NIBAN2: variants seen among roughly 807,000 people sequenced by gnomAD.
NIBAN2 encodes niban apoptosis regulator 2.
In NIBAN2, 36 loss-of-function variants were observed where a neutral mutation model predicts 81.8. The observed-to-expected ratio is 0.44, with a 90% confidence interval of 0.34 to 0.58. The LOEUF is 0.58. Ranked by LOEUF, NIBAN2 falls within the 20% of genes least tolerant of loss-of-function variation. The probability of loss-of-function intolerance (pLI) is 0.02; values close to 1 mark genes in which losing one functional copy is unlikely to be tolerated. For missense variants in NIBAN2, 897 were observed against 1,014.1 expected, an observed-to-expected ratio of 0.88 and a Z score of 1.57; for synonymous variants, 445 against 441.6, an observed-to-expected ratio of 1.01 and a Z score of -0.10.
intron 3 of NIBAN2, 147 bp downstream of exon 3, chr9:127,527,047 G>A (rs1837080490): frequency 4.4e-6 from 4 of 907,214 alleles, no homozygotes; most frequent in South Asian, 1.5e-5. Context: ...GTTTGGGGGA[G>A]GGGAGGGGCT....
Position 127,563,239 on chromosome 9 carries a change from G to T in NIBAN2, c.55+5581C>A, listed in dbSNP as rs1837803587. 6.6e-6 allele frequency among the ~76,000 whole-genome samples: 1 copy of T among 152,206 alleles called. No individual in the cohort carries two copies. Among genetic ancestry groups the T allele is most frequent in the Non-Finnish European group, 1.5e-5 (1 of 68,040 alleles). The stretch of plus-strand genomic sequence containing the variant: ...AACAGAGTCAGGGGGACTAGAGGAG[G>T]CTGGATGGAGGGGAAGGCAGGGTCA... On this transcript the variant is annotated intron_variant, in intron 1 of 13. Coordinates refer to ENST00000373312, the MANE Select transcript of NIBAN2 (RefSeq NM_022833.4). The surrounding 1 kb of genome is among the most constrained non-coding windows in gnomAD (Gnocchi z 4.1).
intron 2 of NIBAN2, among the ~76,000 whole-genome samples, chr9:127,530,814 G>A (rs1405507726): frequency 2.6e-5 from 4 of 152,114 alleles, no homozygotes; most frequent in Non-Finnish European, 4.4e-5. Flanking sequence ...TGGAGGAGGT[G>A]AGCTAGGAGG....
intron 1 of NIBAN2, among the ~76,000 whole-genome samples, chr9:127,542,552 C>T (rs754489770): frequency 2.2e-4 from 34 of 152,368 alleles, no homozygotes; most frequent in African/African-American, 7.9e-4. Context: ...TTCCTCACCA[C>T]GGAAACGGAG....
upstream of NIBAN2, among the ~76,000 whole-genome samples, chr9:127,573,691 T>C (rs946213803): frequency 2.0e-5 from 3 of 152,224 alleles, no homozygotes; most frequent in African/African-American, 7.2e-5. Context: ...TCTCGTTCTG[T>C]TGCCCAGGCT....
chr9:127,527,117 A>G, intron 3 of NIBAN2, 77 bp downstream of exon 3: 1 of 1,574,080 alleles, frequency 6.4e-7, no homozygotes, highest in Non-Finnish European at 8.6e-7. Context: ...TCTGGGGCCT[A>G]AGTTTCCGAG....
At chr9:127,551,622 G>A (rs184508016) in intron 1 of NIBAN2, among the ~76,000 whole-genome samples, 1 of 151,900 alleles carries the variant, frequency 6.6e-6, no homozygotes, top group Admixed American at 6.5e-5. Context: ...GGCTGAGGCA[G>A]GAGAATTGCT....
intron 1 of NIBAN2, among the ~76,000 whole-genome samples, chr9:127,553,321 G>C (rs1837611273): frequency 6.6e-6 from 1 of 152,320 alleles, no homozygotes; most frequent in Admixed American, 6.5e-5. Context: ...TGGGTCTGAG[G>C]GGGAGGCCAG....
At chr9:127,547,819 A>T (rs1837501157) in intron 1 of NIBAN2, among the ~76,000 whole-genome samples, 3 of 152,026 alleles carry the variant, frequency 2.0e-5, no homozygotes, top group African/African-American at 7.3e-5. Context: ...CCTGGGCAAC[A>T]AGAGCGAAAC....
chr9:127,530,544 C>G (rs1837159295), intron 2 of NIBAN2, among the ~76,000 whole-genome samples: 1 of 152,156 alleles, frequency 6.6e-6, no homozygotes, highest in Non-Finnish European at 1.5e-5. Context: ...CCCCTCTGGC[C>G]CACGCTGACC....
rs780953007 is a variant in NIBAN2, at chr9:127,510,178, T to C, written c.1129A>G (p.Ile377Val). The C allele has an allele frequency of 1.9e-6, 3 of 1,613,418 alleles. No individual in the cohort carries two copies. The highest frequency in any genetic ancestry group is 1.7e-6 in the Non-Finnish European group (2 of 1,179,588). ...AGCTTGTCAATGCCGCCCTCGTTGA[T>C]GACGTTCAGGTTCATGTCCGTGACC... ...KEVTDMNLNV[I>V]NEGGIDKLGE... The change falls in exon 9 of 14, where the codon ATC becomes GTC. Residue 377 changes from isoleucine (I) to valine (V), a missense_variant. Ile to Val is a conservative substitution (Grantham distance 29). Around this residue, in one of 3 missense-constraint regions of NIBAN2, gnomAD observed 619 missense variants for 691.0 expected, o/e 0.90. Coordinates refer to ENST00000373312, the MANE Select transcript of NIBAN2 (RefSeq NM_022833.4).
chr9:127,523,762 T>G lies in NIBAN2; in HGVS notation c.506A>C (p.His169Pro), dbSNP rs1564301770. Reference protein sequence around the residue: ...PLILWHPYARHYYFCMMTEAE... With the variant: ...PLILWHPYARPYYFCMMTEAE... ...TTCTGTCATCATGCAGAAGTAGTAG[T>G]GACGCGCATAAGGATGCCAGAGGAT... The change falls in exon 5 of 14, where the codon CAC becomes CCC. Residue 169 changes from histidine to proline, a missense_variant. Physicochemically the swap from His to Pro is moderately conservative, Grantham distance 77. Around this residue, in one of 3 missense-constraint regions of NIBAN2, gnomAD observed 69 missense variants for 114.7 expected, o/e 0.60. Transcript: ENST00000373312. The G allele has an allele frequency of 6.2e-7, 1 of 1,614,098 alleles. No homozygotes were observed. Among genetic ancestry groups the G allele is most frequent in the East Asian group, 2.2e-5 (1 of 44,878 alleles).
At chr9:127,527,092 G>T (rs1837082691) in intron 3 of NIBAN2, 102 bp downstream of exon 3, 1 of 1,449,020 alleles carries the variant, frequency 6.9e-7, no homozygotes, top group Non-Finnish European at 9.5e-7. Context: ...CCGCGTGCAG[G>T]CTGTGACGGT....
At chr9:127,576,741 C>T (rs1021889859) in intron 1 of NIBAN2, among the ~76,000 whole-genome samples, 1 of 150,088 alleles carries the variant, frequency 6.7e-6, no homozygotes, top group Non-Finnish European at 1.5e-5. Context: ...AGCAAGACCT[C>T]GTCTCTATTT....
intron 1 of NIBAN2, chr9:127,578,771 C>T: frequency 1.5e-6 from 1 of 659,764 alleles, no homozygotes; most frequent in Admixed American, 2.7e-5. Context: ...AAGTGAGGAT[C>T]CCTTGAGCCC....
Position 127,569,039 on chromosome 9 carries a change from C to A in NIBAN2, c.-165G>T, listed in dbSNP as rs1394263737. 3.7e-6 allele frequency: 4 copies of A among 1,095,588 alleles called. No homozygotes were observed. The highest frequency in any genetic ancestry group is 5.6e-5 in the East Asian group (1 of 18,010). 67.9% of individuals were successfully genotyped at this position (1,095,588 alleles called of 1,614,324 possible). ...CTGCGGCTTCCGCTCCGGCTCCGCT[C>A]CCGGTCGGGCCCCGTCCCTCCAGCC... On this transcript the variant is annotated 5_prime_UTR_variant, in exon 1 of 14. Transcript: ENST00000373312.
chr9:127,517,298 G>A lies in NIBAN2; in HGVS notation c.706-82C>T. 1 of 1,184,388 alleles carries A rather than the reference G, an allele frequency of 8.4e-7. No individual in the cohort carries two copies. The highest frequency in any genetic ancestry group is 2.5e-5 in the East Asian group (1 of 40,262). 73.4% of individuals were successfully genotyped at this position (1,184,388 alleles called of 1,614,324 possible). ...TTCTCTCTGCATTCCCACAAGCCAG[G>A]CCGCTGCAGCCCCCACCTCCTCCGC... On this transcript the variant is annotated intron_variant, in intron 6 of 13. Transcript: ENST00000373312. The surrounding 1 kb of genome is among the most constrained non-coding windows in gnomAD (Gnocchi z 4.0).
rs1007877664 is a variant in NIBAN2 at position 127,545,407 on chromosome 9, G to T, written c.56-13629C>A. On this transcript the variant is annotated intron_variant, in intron 1 of 13. Transcript: ENST00000373312. The surrounding 1 kb of genome is among the most constrained non-coding windows in gnomAD (Gnocchi z 4.7). ...GCTGTCTCCCCAGCACCCAGCTCCC[G>T]CCAGGCCCAGGGGGGTGCTTGATAA... Among the ~76,000 whole-genome samples, 1 of 152,138 alleles carries T rather than the reference G, an allele frequency of 6.6e-6. No individual in the cohort carries two copies. The highest frequency in any genetic ancestry group is 1.5e-5 in the Non-Finnish European group (1 of 68,040).
chr9:127,554,406 TC>T (rs1281968241), intron 1 of NIBAN2, among the ~76,000 whole-genome samples: 1 of 151,924 alleles, frequency 6.6e-6, no homozygotes, highest in African/African-American at 2.4e-5. Context: ...TCTTCCCTCT[TC>T]CCCGCTCCGG....
At chr9:127,548,222 C>T (rs1264631746) in intron 1 of NIBAN2, among the ~76,000 whole-genome samples, 1 of 152,200 alleles carries the variant, frequency 6.6e-6, no homozygotes, top group Non-Finnish European at 1.5e-5. Context: ...CAGGTTAATT[C>T]ATCAGGAAGG....
Sources: gnomAD v4.1 joint callset for allele counts (sites outside exome capture counted in the v4.1 genomes callset) on GRCh38, gnomAD v4.1.1 for gene constraint, gnomAD v4.1.1 regional missense constraint, Gnocchi (gnomAD v3.1) non-coding constraint, MANE v1.5 for transcripts, NCBI Gene and HGNC (gene_info 2026-07-23, HGNC 2026-07-21) for gene names.